Variants in SGK1 observed in about 807,000 individuals in gnomAD.
SGK1 encodes serum/glucocorticoid regulated kinase 1, also known as serine/threonine-protein kinase Sgk1.
In SGK1, 26 loss-of-function variants were observed where a neutral mutation model predicts 64.2. The observed-to-expected ratio is 0.40, with a 90% CI of 0.30 to 0.56. The LOEUF (loss-of-function observed/expected upper bound fraction) is 0.56, where lower values mean the gene tolerates loss of function less well. Ranked by LOEUF, SGK1 falls within the 20% of genes least tolerant of loss-of-function variation. The pLI, the probability that SGK1 is intolerant of heterozygous loss-of-function variation, is 0.38. For synonymous variants in SGK1, 265 were observed against 239.7 expected (o/e 1.11, Z -0.98); for missense variants, 519 against 645.6 (o/e 0.80, Z 2.12).
At chr6:134,292,494 G>A (rs1028321778) in intron 1 of SGK1, among the ~76,000 whole-genome samples, 7 of 152,146 alleles carry the variant, frequency 4.6e-5, no homozygotes, top group African/African-American at 1.7e-4. Flanking sequence ...TCGGGAGGCT[G>A]ACGCAGGAGA....
At chr6:134,282,522 G>T (rs527906834) in intron 1 of SGK1, among the ~76,000 whole-genome samples, 3 of 149,052 alleles carry the variant, frequency 2.0e-5, no homozygotes, top group African/African-American at 7.8e-5. Flanking sequence ...GCATGGTGGC[G>T]CACACCTGTA....
chr6:134,274,177 G>T lies in SGK1; in HGVS notation c.70-12029C>A, dbSNP rs1334456381. On this transcript the variant is annotated intron_variant, in intron 1 of 13. Coordinates refer to ENST00000367858, the MANE Select transcript of SGK1 (RefSeq NM_001143676.3). Reference sequence around the variant, plus strand: ...TGCCACCACACCCGGCTAATTTTTTGTATTTTTAGTAGAGATGGGGTTTCA... The same window carrying T: ...TGCCACCACACCCGGCTAATTTTTTTTATTTTTAGTAGAGATGGGGTTTCA... 2.6e-5 allele frequency among the ~76,000 whole-genome samples: 4 copies of T among 152,042 alleles called. No homozygotes were observed. In the East Asian group the frequency reaches 7.8e-4, roughly 29 times the overall value.
intron 2 of SGK1, among the ~76,000 whole-genome samples, chr6:134,242,211 C>A (rs766976850): frequency 6.6e-6 from 1 of 152,040 alleles, no homozygotes; most frequent in Non-Finnish European, 1.5e-5. Flanking sequence ...TAAGGCTGGG[C>A]GCGGTGGCTC....
At chr6:134,206,337 TGATATATATATATATATATA>T (rs1562250117) in intron 3 of SGK1, among the ~76,000 whole-genome samples, 4 of 111,456 alleles carry the variant, frequency 3.6e-5, no homozygotes, top group African/African-American at 7.5e-5. Flanking sequence ...CTGTACCTGA[TGATATATATATATATATATA>T]TATATATATA....
At chr6:134,309,690 A>G (rs2114801258) in intron 1 of SGK1, among the ~76,000 whole-genome samples, 1 of 152,296 alleles carries the variant, frequency 6.6e-6, no homozygotes, top group South Asian at 2.1e-4. Context: ...TGAGCCCCAT[A>G]GAATGGATAA....
At chr6:134,255,498 C>T (rs962022677) in intron 2 of SGK1, among the ~76,000 whole-genome samples, 5 of 150,598 alleles carry the variant, frequency 3.3e-5, no homozygotes, top group African/African-American at 4.9e-5. Context: ...AGTGAGCCAA[C>T]ATCACGTCAC....
intron 2 of SGK1, among the ~76,000 whole-genome samples, chr6:134,253,612 C>T (rs893485090): frequency 2.0e-5 from 3 of 152,158 alleles, no homozygotes; most frequent in Non-Finnish European, 4.4e-5. Context: ...CTGATTGTGC[C>T]ACTGCACTCC....
intron 2 of SGK1, among the ~76,000 whole-genome samples, chr6:134,238,455 C>A (rs941011413): frequency 2.0e-5 from 3 of 152,174 alleles, no homozygotes; most frequent in Admixed American, 1.3e-4. Flanking sequence ...CTGCTCTCCA[C>A]ATGGCAGAAA....
chr6:134,188,617 A>T (rs750541509), intron 3 of SGK1, among the ~76,000 whole-genome samples: 4 of 152,216 alleles, frequency 2.6e-5, no homozygotes, highest in Non-Finnish European at 5.9e-5. Flanking sequence ...ACACAGAGAC[A>T]TGAAAACAAT....
rs577637377 is a variant in SGK1, at chr6:134,180,313, C to G, written c.362-5727G>C. ...AGATCTTTCTCAGGCTGAAAACTTA[C>G]CCATCTCCATCTTGGCAATGTTGTC... is the stretch of plus-strand genomic sequence containing the variant. On this transcript the variant is annotated intron_variant, in intron 3 of 13. Coordinates refer to ENST00000367858, the MANE Select transcript of SGK1 (RefSeq NM_001143676.3). 3.3e-5 allele frequency: 5 copies of G among 152,230 alleles called. No homozygotes were observed. In the East Asian group the frequency reaches 9.7e-4, roughly 29 times the overall value. 9.4% of individuals were successfully genotyped at this position (152,230 alleles called of 1,614,324 possible). A position where few individuals can be genotyped will look rare whatever the true frequency, so the allele number is the denominator to read the frequency against.
At chr6:134,225,930 A>C (rs1484196312) in intron 2 of SGK1, among the ~76,000 whole-genome samples, 5 of 147,756 alleles carry the variant, frequency 3.4e-5, no homozygotes, top group East Asian at 2.1e-4. Context: ...AAAACAAAAA[A>C]AACAAAAAAA....
intron 9 of SGK1, 144 bp from the exon 10 acceptor site, chr6:134,172,460 G>A: frequency 1.1e-6 from 1 of 870,132 alleles, no homozygotes; most frequent in Non-Finnish European, 1.8e-6. Flanking sequence ...CCCTTGTTCT[G>A]CTCATCTATT....
At position 134,301,531 on chromosome 6, in the gene SGK1, T is replaced by TTCTTCTCTTCTCTTCTCTTC. The variant is rs56681881; in HGVS notation, c.69+15841_69+15860dup. Among the ~76,000 whole-genome samples, 170 of 139,120 alleles carry TTCTTCTCTTCTCTTCTCTTC rather than the reference T, an allele frequency of 1.2e-3. 1 individual carries two copies. Among genetic ancestry groups the TTCTTCTCTTCTCTTCTCTTC allele is most frequent in the African/African-American group, 3.4e-3 (134 of 39,006 alleles). The allele number at this position is 139,120 out of a possible 152,430, so 91.3% of individuals were successfully genotyped here. ...CTTTTCTTCTCTTCTCTTTTCTCTTTTCTTCTCTTCTCTTCTCTTCTCTTC... is the reference window on the plus strand; with the variant it reads ...CTTTTCTTCTCTTCTCTTTTCTCTTTTCTTCTCTTCTCTTCTCTTCTCTTCTCTTCTCTTCTCTTCTCTTC... On this transcript the variant is annotated intron_variant, in intron 1 of 13. Transcript: ENST00000367858.
rs1282979732 is a variant in SGK1 at position 134,281,291 on chromosome 6, T to G, written c.70-19143A>C. 1.3e-5 allele frequency among the ~76,000 whole-genome samples: 2 copies of G among 152,162 alleles called. 1 individual carries two copies. Among genetic ancestry groups the G allele is most frequent in the Non-Finnish European group, 2.9e-5 (2 of 68,032 alleles). On this transcript the variant is annotated intron_variant, in intron 1 of 13. Transcript: ENST00000367858. ...TTCAAGTGTTGTTTCTACCACCTAT[T>G]AGATGTGTGGTCTTGAGCAACTAAT...
At chr6:134,305,961 T>C (rs1454178087) in intron 1 of SGK1, among the ~76,000 whole-genome samples, 1 of 152,194 alleles carries the variant, frequency 6.6e-6, no homozygotes, top group Non-Finnish European at 1.5e-5. Context: ...ATATACTTAT[T>C]GATAACCCCC....
intron 1 of SGK1, among the ~76,000 whole-genome samples, chr6:134,276,889 A>C (rs1327065112): frequency 1.3e-5 from 2 of 152,090 alleles, no homozygotes; most frequent in Non-Finnish European, 2.9e-5. Flanking sequence ...CCAACACTAC[A>C]AAAAATACAA....
At chr6:134,171,849 T>G (rs1775037544) in intron 10 of SGK1, 117 bp from the exon 11 acceptor site, 2 of 682,488 alleles carry the variant, frequency 2.9e-6, no homozygotes, top group Admixed American at 5.4e-5. Flanking sequence ...GATAGATATC[T>G]TTAGATTCCT....
chr6:134,220,998 A>T (rs564146749), intron 2 of SGK1, among the ~76,000 whole-genome samples: 59 of 147,968 alleles, frequency 4.0e-4, no homozygotes, highest in African/African-American at 9.4e-4. Context: ...AAAAAAAAAA[A>T]TTTTATTAAA....
At chr6:134,191,121 A>G (rs1432721539) in intron 3 of SGK1, among the ~76,000 whole-genome samples, 2 of 152,200 alleles carry the variant, frequency 1.3e-5, no homozygotes, top group Non-Finnish European at 2.9e-5. Context: ...TATTGTATTC[A>G]TGTGTTTATG....
Sources: gnomAD v4.1 joint callset for allele counts (sites outside exome capture counted in the v4.1 genomes callset) on GRCh38, gnomAD v4.1.1 for gene constraint, MANE v1.5 for transcripts, NCBI Gene and HGNC (gene_info 2026-07-23, HGNC 2026-07-21) for gene names.